The following ARRB1 variants were observed in gnomAD, a reference collection of about 807,000 sequenced individuals.
ARRB1 encodes beta-arrestin-1.
A neutral mutation model predicts 56.8 loss-of-function variants in ARRB1; 21 were observed. The observed-to-expected ratio is 0.37, with a 90% CI of 0.26 to 0.53. The LOEUF (loss-of-function observed/expected upper bound fraction) is 0.53, where lower values mean the gene tolerates loss of function less well. Ranked by LOEUF, ARRB1 falls within the 20% of genes least tolerant of loss-of-function variation. The pLI is 0.88. For synonymous variants in ARRB1, 210 were observed against 218.6 expected (o/e 0.96, Z 0.35); for missense variants, 424 against 553.7 (o/e 0.77, Z 2.35).
At chr11:75,292,014 C>A (rs1348956361) in intron 1 of ARRB1, among the ~76,000 whole-genome samples, 1 of 152,232 alleles carries the variant, frequency 6.6e-6, no homozygotes, top group Non-Finnish European at 1.5e-5. Context: ...CCCACCCTCA[C>A]CTCTCACTTC....
At chr11:75,302,937 T>C (rs1175863387) in intron 1 of ARRB1, among the ~76,000 whole-genome samples, 1 of 152,048 alleles carries the variant, frequency 6.6e-6, no homozygotes, top group Non-Finnish European at 1.5e-5. Flanking sequence ...AAACTGTCTG[T>C]CTCCCTACAG....
At position 75,263,177 on chromosome 11, in the gene ARRB1, A is replaced by G. The variant is rs1945837243; in HGVS notation, c.*2986T>C. Among the ~76,000 whole-genome samples the G allele has an allele frequency of 6.6e-6, 1 of 152,174 alleles. No homozygotes were observed. The highest frequency in any genetic ancestry group is 1.5e-5 in the Non-Finnish European group (1 of 68,024). On this transcript the variant is annotated 3_prime_UTR_variant, in exon 16 of 16. Coordinates refer to ENST00000420843, the MANE Select transcript of ARRB1 (RefSeq NM_004041.5). ...GGCCTAGTGAGGCTCCCCCACCCCT[A>G]GTTTCACTTCAAGGTATCACCTGGG... is the stretch of plus-strand genomic sequence containing the variant.
chr11:75,308,916 C>A (rs1169588989), intron 1 of ARRB1, among the ~76,000 whole-genome samples: 2 of 152,148 alleles, frequency 1.3e-5, no homozygotes, highest in African/African-American at 4.8e-5. Context: ...TTAAGACATA[C>A]CATTTGTTAA....
At position 75,272,973 on chromosome 11, in the gene ARRB1, C is replaced by T. The variant is rs758409945; in HGVS notation, c.920G>A (p.Arg307Lys). 8.4e-5 allele frequency: 135 copies of T among 1,613,882 alleles called. No individual in the cohort carries two copies. The highest frequency in any genetic ancestry group is 1.1e-4 in the Non-Finnish European group (133 of 1,179,952). Residue 307 changes from arginine (R) to lysine (K), a missense_variant, in exon 12 of 16, where the codon AGG (arginine) becomes AAG (lysine). Around this residue, in one of 3 missense-constraint regions of ARRB1, gnomAD observed 121 missense variants for 147.3 expected, o/e 0.82. Coordinates refer to ENST00000420843, the MANE Select transcript of ARRB1 (RefSeq NM_004041.5). ...CAGGATCTCACGGTTGGCACCTTCC[C>T]TCAACCTGCAAAGTGACACAGGGGA... ...DTNLASSTLL[R>K]EGANREILGI...
chr11:75,326,068 C>A (rs1190371449), intron 1 of ARRB1, among the ~76,000 whole-genome samples: 1 of 152,230 alleles, frequency 6.6e-6, no homozygotes, highest in Non-Finnish European at 1.5e-5. Flanking sequence ...GCTCCCAAGC[C>A]TAGGGCATTT....
At chr11:75,341,685 T>C (rs1448028147) in intron 1 of ARRB1, among the ~76,000 whole-genome samples, 1 of 152,284 alleles carries the variant, frequency 6.6e-6, no homozygotes, top group East Asian at 1.9e-4. Context: ...GGGCAATTCC[T>C]ACACAGATGG....
At chr11:75,310,473 C>T (rs908844432) in intron 1 of ARRB1, among the ~76,000 whole-genome samples, 1 of 152,184 alleles carries the variant, frequency 6.6e-6, no homozygotes, top group African/African-American at 2.4e-5. Flanking sequence ...AGCCTTTGGT[C>T]ACCATGCTAC....
At chr11:75,336,216 T>C (rs1947600681) in intron 1 of ARRB1, among the ~76,000 whole-genome samples, 1 of 152,096 alleles carries the variant, frequency 6.6e-6, no homozygotes, top group Non-Finnish European at 1.5e-5. Context: ...ATATATTTAA[T>C]AGAAATCAAA....
chr11:75,349,188 G>T, intron 1 of ARRB1, among the ~76,000 whole-genome samples: 1 of 152,208 alleles, frequency 6.6e-6, no homozygotes. Flanking sequence ...GGGGCTGCAG[G>T]AGAGTCTGAA....
At chr11:75,279,415 G>C (rs1359288125) in intron 7 of ARRB1, among the ~76,000 whole-genome samples, 5 of 152,100 alleles carry the variant, frequency 3.3e-5, no homozygotes, top group Non-Finnish European at 7.4e-5. Flanking sequence ...AGGGGATCAG[G>C]GAGCAAATGA....
intron 9 of ARRB1, 60 bp from the exon 10 acceptor site, chr11:75,276,971 A>C: frequency 9.0e-6 from 13 of 1,437,730 alleles, no homozygotes; most frequent in Non-Finnish European, 1.2e-5. Context: ...ATGGAGTCTC[A>C]CAGGCGTCCC....
intron 1 of ARRB1, among the ~76,000 whole-genome samples, chr11:75,340,838 C>T (rs567744041): frequency 7.2e-4 from 110 of 152,306 alleles, no homozygotes; most frequent in Non-Finnish European, 1.4e-3. Context: ...GCTTCCTGCT[C>T]CCCAATCTCT....
intron 2 of ARRB1, 95 bp from the exon 3 acceptor site, chr11:75,287,470 TC>T: frequency 8.0e-7 from 1 of 1,243,108 alleles, no homozygotes; most frequent in Non-Finnish European, 1.1e-6. Flanking sequence ...CCTCTGAAAC[TC>T]CAGACCCATC....
In ARRB1 at chr11:75,263,740, G is replaced by GAA. The variant is rs200753370; in HGVS notation, c.*2421_*2422dup. On this transcript the variant is annotated 3_prime_UTR_variant, in exon 16 of 16. Transcript: ENST00000420843. ...GCCTTGTGCAGTCCTGGCTCCAGGA[G>GAA]AAAAAAAAAAAAAAAAGATAGTGCT... Among the ~76,000 whole-genome samples the GAA allele has an allele frequency of 5.9e-5, 7 of 117,996 alleles. No homozygotes were observed. The highest frequency in any genetic ancestry group is 5.5e-5 in the Non-Finnish European group (3 of 54,158). 77.4% of individuals were successfully genotyped at this position (117,996 alleles called of 152,430 possible).
chr11:75,343,590 G>T (rs1353800273), intron 1 of ARRB1, among the ~76,000 whole-genome samples: 1 of 152,142 alleles, frequency 6.6e-6, no homozygotes, highest in Non-Finnish European at 1.5e-5. Flanking sequence ...AGATAAGGGA[G>T]CCACAGCAGA....
chr11:75,266,589 A>G (rs574288466), intron 15 of ARRB1, among the ~76,000 whole-genome samples: 7 of 152,110 alleles, frequency 4.6e-5, no homozygotes, highest in Admixed American at 2.0e-4. Flanking sequence ...AGGTGGGGGG[A>G]GCAGTGTGGC....
intron 1 of ARRB1, among the ~76,000 whole-genome samples, chr11:75,320,055 G>C (rs1277630251): frequency 6.6e-6 from 1 of 152,204 alleles, no homozygotes. Context: ...CCCCCCCAGA[G>C]CAGGAGGCAG....
At chr11:75,306,436 A>G in intron 1 of ARRB1, 1 of 520,088 alleles carries the variant, frequency 1.9e-6, no homozygotes, top group Non-Finnish European at 3.5e-6. Context: ...CACCTATGCC[A>G]GAGGCTGGTG....
intron 1 of ARRB1, among the ~76,000 whole-genome samples, chr11:75,331,075 G>A (rs991719984): frequency 6.6e-6 from 1 of 152,234 alleles, no homozygotes; most frequent in African/African-American, 2.4e-5. Flanking sequence ...CCAGTGGCGC[G>A]ATCTCGGCTT....
Sources: gnomAD v4.1 joint callset for allele counts (sites outside exome capture counted in the v4.1 genomes callset) on GRCh38, gnomAD v4.1.1 for gene constraint, gnomAD v4.1.1 regional missense constraint, MANE v1.5 for transcripts, NCBI Gene and HGNC (gene_info 2026-07-23, HGNC 2026-07-21) for gene names.